The following ADGRV1 variants were observed in gnomAD, a reference collection of about 807,000 sequenced individuals.
ADGRV1 encodes G-protein coupled receptor 98.
In ADGRV1, 359 loss-of-function variants were observed where a neutral mutation model predicts 596.2. The observed-to-expected ratio is 0.60, with a 90% CI of 0.55 to 0.66. The LOEUF (loss-of-function observed/expected upper bound fraction) is 0.66, where lower values mean the gene tolerates loss of function less well. Ranked by LOEUF, ADGRV1 falls within the 30% of genes least tolerant of loss-of-function variation. The pLI is 0.00. For synonymous variants in ADGRV1, 2,681 were observed against 2,679.2 expected, an observed-to-expected ratio of 1.00 and a Z score of -0.02; for missense variants, 7,274 against 7,575.6, an observed-to-expected ratio of 0.96 and a Z score of 1.48.
chr5:90,855,074 A>G (rs1766895830), intron 81 of ADGRV1, among the ~76,000 whole-genome samples: 1 of 152,302 alleles, frequency 6.6e-6, no homozygotes, highest in Admixed American at 6.5e-5. Flanking sequence ...GTCCTTAAAA[A>G]AGTAAAGAAA....
chr5:91,135,390 T>C (rs978732727), intron 87 of ADGRV1, among the ~76,000 whole-genome samples: 4 of 152,140 alleles, frequency 2.6e-5, no homozygotes, highest in African/African-American at 9.7e-5. Flanking sequence ...CCCTTCCAAC[T>C]ATAGGTGTTT....
chr5:90,729,574 T>C (rs1752260922), intron 49 of ADGRV1, 68 bp from the exon 50 acceptor site: 1 of 1,171,426 alleles, frequency 8.5e-7, no homozygotes, highest in African/African-American at 1.5e-5. Flanking sequence ...TATAGTTTTA[T>C]TATGTAATTT....
chr5:90,779,114 A>G lies in ADGRV1; in HGVS notation c.13082+17A>G. 1 of 1,480,296 alleles carries G rather than the reference A, an allele frequency of 6.8e-7. No homozygotes were observed. The highest frequency in any genetic ancestry group is 1.7e-4 in the Middle Eastern group (1 of 5,810). The allele number at this position is 1,480,296 out of a possible 1,614,324, so 91.7% of individuals were successfully genotyped here. A position where few individuals can be genotyped will look rare whatever the true frequency, so the allele number is the denominator to read the frequency against. On this transcript the variant is annotated intron_variant, in intron 64 of 89. Coordinates refer to ENST00000405460, the MANE Select transcript of ADGRV1 (RefSeq NM_032119.4). ...CCAGGGAAGGTAAAGGAGAAAGGCA[A>G]TTAGGAAAAAGAAAGCAAAGAGCAG...
At chr5:90,792,065 G>A (rs754565462) in intron 70 of ADGRV1, 2 of 152,212 alleles carry the variant, frequency 1.3e-5, no homozygotes, top group African/African-American at 2.4e-5. Context: ...ATGGCATTGG[G>A]ATTAATTATC....
chr5:90,852,471 T>C (rs1168314953), intron 79 of ADGRV1, among the ~76,000 whole-genome samples: 1 of 152,184 alleles, frequency 6.6e-6, no homozygotes, highest in African/African-American at 2.4e-5. Flanking sequence ...CTGATTTATC[T>C]GTGTGTCTCC....
chr5:90,618,293 A>T (rs16868848), intron 3 of ADGRV1, among the ~76,000 whole-genome samples: 3,231 of 152,228 alleles, frequency 0.021, 101 homozygotes, highest in African/African-American at 0.067. Context: ...GACTTCTGAG[A>T]TCAAAGGACA....
intron 37 of ADGRV1, 35 bp from the exon 38 acceptor site, chr5:90,706,196 T>C: frequency 6.4e-7 from 1 of 1,572,822 alleles, no homozygotes; most frequent in Non-Finnish European, 8.6e-7. Context: ...AACATTTAGA[T>C]AATTATAAAA....
At chr5:90,906,242 A>G (rs973643549) in intron 83 of ADGRV1, among the ~76,000 whole-genome samples, 4 of 152,182 alleles carry the variant, frequency 2.6e-5, no homozygotes, top group African/African-American at 4.8e-5. Flanking sequence ...TTGGCCTGAT[A>G]GAATGAGTTT....
chr5:90,829,280 T>C, intron 77 of ADGRV1, 94 bp downstream of exon 77: 2 of 1,069,624 alleles, frequency 1.9e-6, no homozygotes, highest in Non-Finnish European at 2.5e-6. Flanking sequence ...TACATTATTT[T>C]CTGAGGATAA....
chr5:90,635,687 C>G (rs1412756729), intron 10 of ADGRV1, among the ~76,000 whole-genome samples: 1 of 151,746 alleles, frequency 6.6e-6, no homozygotes, highest in African/African-American at 2.4e-5. Flanking sequence ...CTGCCCCGGG[C>G]TCAATAGATC....
intron 1 of ADGRV1, among the ~76,000 whole-genome samples, chr5:90,575,662 C>G (rs1470424717): frequency 2.0e-5 from 3 of 152,134 alleles, no homozygotes; most frequent in Non-Finnish European, 2.9e-5. Flanking sequence ...GGGGACCTGC[C>G]TTGCCCCAGG....
At chr5:90,670,049 G>A (rs1772222285) in intron 21 of ADGRV1, among the ~76,000 whole-genome samples, 1 of 152,000 alleles carries the variant, frequency 6.6e-6, no homozygotes, top group African/African-American at 2.4e-5. Flanking sequence ...TTTATATATT[G>A]ATAACTTCCA....
chr5:90,993,154 CT>C (rs1235025923), intron 85 of ADGRV1, among the ~76,000 whole-genome samples: 18,133 of 97,756 alleles, frequency 0.19, 815 homozygotes, highest in Non-Finnish European at 0.23. Flanking sequence ...TTGGTTTTCA[CT>C]TTTTTTTTTT....
intron 75 of ADGRV1, among the ~76,000 whole-genome samples, chr5:90,819,620 T>C (rs1763267152): frequency 6.6e-6 from 1 of 151,476 alleles, no homozygotes; most frequent in African/African-American, 2.4e-5. Context: ...GTTGTGTCTT[T>C]GTTCTCGTTG....
intron 65 of ADGRV1, among the ~76,000 whole-genome samples, chr5:90,782,778 C>CA (rs1195393248): frequency 2.0e-5 from 3 of 152,048 alleles, no homozygotes; most frequent in Admixed American, 1.3e-4. Flanking sequence ...CCTATGAGCA[C>CA]AAACAACTTA....
rs1748467733 is a variant in ADGRV1, at chr5:90,705,440, A to G, written c.8427A>G (p.Gly2809=). Residue 2809 remains glycine (G), a synonymous_variant, in exon 37 of 90, where the codon GGA becomes GGG. Transcript: ENST00000405460. Reference sequence around the variant, plus strand: ...GAATCGCCCTGCTTGATGCTCAAGGATATGCAGCTGTCCTCACAGTAGAAG... The same window carrying G: ...GAATCGCCCTGCTTGATGCTCAAGGGTATGCAGCTGTCCTCACAGTAGAAG... ...PAGIALLDAQ[G]YAAVLTVEAS... The G allele has an allele frequency of 1.9e-6, 3 of 1,613,922 alleles. No individual in the cohort carries two copies. The highest frequency in any genetic ancestry group is 2.5e-6 in the Non-Finnish European group (3 of 1,179,838).
At chr5:90,599,952 TGAGGCCCTGTGGAAA>T (rs903921085) in intron 1 of ADGRV1, among the ~76,000 whole-genome samples, 3 of 152,182 alleles carry the variant, frequency 2.0e-5, no homozygotes, top group Non-Finnish European at 2.9e-5. Flanking sequence ...GTACAGTCCT[TGAGGCCCTGTGGAAA>T]ATTGTTAATT....
At chr5:90,766,160 T>A (rs62373982) in intron 59 of ADGRV1, among the ~76,000 whole-genome samples, 1 of 152,080 alleles carries the variant, frequency 6.6e-6, no homozygotes, top group Non-Finnish European at 1.5e-5. Context: ...CCGCCCGCCT[T>A]GGCCTCCCAA....
intron 86 of ADGRV1, among the ~76,000 whole-genome samples, chr5:91,079,028 T>C (rs1419509128): frequency 1.3e-5 from 2 of 151,952 alleles, no homozygotes; most frequent in Non-Finnish European, 2.9e-5. Flanking sequence ...CATGATATGA[T>C]TTTTTTTCCT....
Sources: allele counts gnomAD v4.1 joint callset (sites outside exome capture counted in the v4.1 genomes callset), GRCh38; gene constraint gnomAD v4.1.1; transcripts MANE v1.5; gene names NCBI Gene and HGNC (gene_info 2026-07-23, HGNC 2026-07-21).